The following SAMD12 variants were observed in gnomAD, a reference collection of about 807,000 sequenced individuals.
SAMD12 encodes sterile alpha motif domain-containing protein 12.
SAMD12 carries 9 observed loss-of-function variants against 15.0 expected under a neutral mutation model. The ratio of observed to expected loss-of-function variants is 0.60; its 90% CI spans 0.36 to 1.05. The LOEUF is 1.05. SAMD12 is among the 50% of genes least tolerant of loss of function. The probability of loss-of-function intolerance (pLI) is 0.01; values close to 1 mark genes in which losing one functional copy is unlikely to be tolerated. For synonymous variants in SAMD12, 86 were observed against 90.1 expected, an observed-to-expected ratio of 0.96 and a Z score of 0.25; for missense variants, 230 against 234.2, an observed-to-expected ratio of 0.98 and a Z score of 0.12.
intron 4 of SAMD12, among the ~76,000 whole-genome samples, chr8:118,359,077 G>A (rs1023397512): frequency 4.1e-4 from 62 of 151,788 alleles, no homozygotes; most frequent in African/African-American, 1.4e-3. Flanking sequence ...CTCTGTTATG[G>A]GCTGAATTAT....
chr8:118,198,199 C>T (rs1405510058), intron 4 of SAMD12, among the ~76,000 whole-genome samples: 4 of 152,038 alleles, frequency 2.6e-5, no homozygotes, highest in African/African-American at 7.2e-5. Flanking sequence ...ATATTGGAAG[C>T]GGAATGGCTG....
rs113751301 is a variant in SAMD12, at chr8:118,226,484, G to T, written c.434-28752C>A. Among the ~76,000 whole-genome samples the T allele has an allele frequency of 1.2e-3, 189 of 152,208 alleles. 1 individual carries two copies. Among genetic ancestry groups the T allele is most frequent in the African/African-American group, 4.4e-3 (182 of 41,536 alleles). ...TCCTTTGATAGCAAGCTGGCTTCTC[G>T]TATATTTCTTTAACACTCACCCTGA... On this transcript the variant is annotated intron_variant, in intron 4 of 4. Coordinates refer to the SAMD12 transcript ENST00000409003.
chr8:118,604,614 A>G (rs1344818447), intron 1 of SAMD12, among the ~76,000 whole-genome samples: 3 of 152,184 alleles, frequency 2.0e-5, no homozygotes, highest in Non-Finnish European at 4.4e-5. Flanking sequence ...AAAATAATAT[A>G]TTGATGATTA....
chr8:118,241,988 C>T (rs893198407), intron 4 of SAMD12, among the ~76,000 whole-genome samples: 20 of 152,104 alleles, frequency 1.3e-4, no homozygotes, highest in Non-Finnish European at 1.3e-4. Flanking sequence ...CATGCCTCAC[C>T]GAAGCCTTGA....
intron 2 of SAMD12, among the ~76,000 whole-genome samples, chr8:118,546,761 C>T (rs1826138145): frequency 1.3e-5 from 2 of 152,246 alleles, no homozygotes; most frequent in South Asian, 4.1e-4. Flanking sequence ...TCAGCCTCCA[C>T]AGATCTGCAA....
At chr8:118,363,278 T>C (rs545644173) in intron 4 of SAMD12, among the ~76,000 whole-genome samples, 2 of 152,196 alleles carry the variant, frequency 1.3e-5, no homozygotes, top group South Asian at 4.2e-4. Flanking sequence ...AGTCAAACAT[T>C]TTTCTGGGTG....
intron 3 of SAMD12, chr8:118,400,394 T>A (rs1820810845): frequency 6.6e-6 from 1 of 152,198 alleles, no homozygotes; most frequent in African/African-American, 2.4e-5. Context: ...TTCTAATCAC[T>A]ATATGACACT....
chr8:118,379,087 A>C lies in SAMD12; in HGVS notation c.*330T>G, dbSNP rs747979263. ...CCCACTAACCGGTGAAAAGCAAAAC[A>C]AAAATACAACAAAAACTCCACTTAT... On this transcript the variant is annotated 3_prime_UTR_variant, in exon 4 of 4. Transcript: ENST00000314727. 9.4e-7 allele frequency: 1 copy of C among 1,062,156 alleles called. No individual in the cohort carries two copies. Among genetic ancestry groups the C allele is most frequent in the Non-Finnish European group, 1.1e-6 (1 of 876,480 alleles). The allele number at this position is 1,062,156 out of a possible 1,614,324, so 65.8% of individuals were successfully genotyped here.
At chr8:118,568,735 G>A (rs932572418) in intron 2 of SAMD12, among the ~76,000 whole-genome samples, 1 of 152,120 alleles carries the variant, frequency 6.6e-6, no homozygotes, top group African/African-American at 2.4e-5. Context: ...AGTTATTATT[G>A]GAGAGGAGGA....
chr8:118,474,162 T>C (rs1018493199), intron 2 of SAMD12, among the ~76,000 whole-genome samples: 2 of 152,054 alleles, frequency 1.3e-5, no homozygotes, highest in Admixed American at 6.5e-5. Flanking sequence ...GGTTTCTCCA[T>C]GTTGGCCAGG....
chr8:118,279,886 G>A (rs1446276305), intron 4 of SAMD12, among the ~76,000 whole-genome samples: 1 of 152,224 alleles, frequency 6.6e-6, no homozygotes, highest in Admixed American at 6.5e-5. Flanking sequence ...TGAAGAGGTA[G>A]TTGGTGAAGT....
chr8:118,142,036 C>T, the SAMD12 span, among the ~76,000 whole-genome samples: 10 of 152,260 alleles, frequency 6.6e-5, no homozygotes, highest in East Asian at 7.7e-4. Flanking sequence ...CTAATAACCA[C>T]GCAAATTTTG....
At chr8:118,239,682 T>TGG (rs1263672147) in intron 4 of SAMD12, among the ~76,000 whole-genome samples, 5 of 152,138 alleles carry the variant, frequency 3.3e-5, no homozygotes. Context: ...TCTCGATATG[T>TGG]GGGCTAGGAT....
downstream of SAMD12, among the ~76,000 whole-genome samples, chr8:118,374,803 G>T (rs1226276706): frequency 1.3e-5 from 2 of 150,528 alleles, no homozygotes; most frequent in African/African-American, 4.8e-5. Context: ...TGAATCCTTT[G>T]CTTATTTTAT....
Position 118,320,559 on chromosome 8 carries a change from T to C in SAMD12, c.433+59001A>G, listed in dbSNP as rs1036542829. 2.6e-5 allele frequency among the ~76,000 whole-genome samples: 4 copies of C among 151,170 alleles called. 1 individual carries two copies. Among genetic ancestry groups the C allele is most frequent in the Admixed American group, 2.0e-4 (3 of 15,064 alleles). On this transcript the variant is annotated intron_variant, in intron 4 of 4. Transcript: ENST00000409003. ...TATATTGAAAAATCATTGACCAAAATAGTTTTTTAAAAAAACCAAACACTG... is the reference window on the plus strand; with the variant it reads ...TATATTGAAAAATCATTGACCAAAACAGTTTTTTAAAAAAACCAAACACTG...
At chr8:118,227,148 A>T (rs2129900935) in intron 4 of SAMD12, among the ~76,000 whole-genome samples, 1 of 152,328 alleles carries the variant, frequency 6.6e-6, no homozygotes, top group Non-Finnish European at 1.5e-5. Flanking sequence ...GGATAAAGAA[A>T]ATGTGGTACA....
the SAMD12 span, among the ~76,000 whole-genome samples, chr8:118,167,892 A>G: frequency 6.6e-6 from 1 of 152,160 alleles, no homozygotes; most frequent in Non-Finnish European, 1.5e-5. Context: ...GCTGGGGAGC[A>G]TTGACATCCA....
chr8:118,219,584 G>A (rs778722218), intron 4 of SAMD12, among the ~76,000 whole-genome samples: 14 of 152,200 alleles, frequency 9.2e-5, no homozygotes, highest in Non-Finnish European at 1.3e-4. Context: ...CCAGGAGAAT[G>A]ATGGAATGAT....
the SAMD12 span, among the ~76,000 whole-genome samples, chr8:118,172,639 A>C: frequency 6.6e-6 from 1 of 152,212 alleles, no homozygotes; most frequent in African/African-American, 2.4e-5. Context: ...CACATATTTA[A>C]TGTATACAAC....
Sources: allele counts gnomAD v4.1 joint callset (sites outside exome capture counted in the v4.1 genomes callset), GRCh38; gene constraint gnomAD v4.1.1; transcripts MANE v1.5; gene names NCBI Gene and HGNC (gene_info 2026-07-23, HGNC 2026-07-21).